COQ2: variants seen among roughly 807,000 people sequenced by gnomAD.
The protein encoded by COQ2 is 4-hydroxybenzoate polyprenyltransferase, mitochondrial.
A neutral mutation model predicts 35.7 loss-of-function variants in COQ2; 25 were observed. The observed-to-expected ratio is 0.70, with a 90% CI of 0.51 to 0.98. The LOEUF (loss-of-function observed/expected upper bound fraction) is 0.98. Ranked by LOEUF, COQ2 falls within the 50% of genes least tolerant of loss-of-function variation. The pLI, the probability that COQ2 is intolerant of heterozygous loss-of-function variation, is 0.00. For synonymous variants in COQ2, 206 were observed against 186.2 expected (o/e 1.11, Z -0.86); for missense variants, 488 against 473.5 (o/e 1.03, Z -0.28).
chr4:83,269,799 A>G (rs1735003000), intron 5 of COQ2, 61 bp downstream of exon 5: 2 of 1,331,914 alleles, frequency 1.5e-6, no homozygotes, highest in Non-Finnish European at 2.0e-6. Flanking sequence ...CTTTCTCCTT[A>G]ATTTGGTTCT....
chr4:83,270,104 T>C, intron 4 of COQ2, 111 bp from the exon 5 acceptor site: 1 of 1,154,194 alleles, frequency 8.7e-7, no homozygotes, highest in Non-Finnish European at 1.2e-6. Flanking sequence ...AGACTCTGTG[T>C]GTGCTGCTTT....
At chr4:83,283,230 G>A (rs780462586) in intron 1 of COQ2, 12 of 978,598 alleles carry the variant, frequency 1.2e-5, no homozygotes, top group Admixed American at 1.2e-4. Flanking sequence ...GGTCTTGTAC[G>A]GGCAAAAGTG....
chr4:83,281,731 C>T (rs1186298133), intron 1 of COQ2: 1 of 152,188 alleles, frequency 6.6e-6, no homozygotes, highest in East Asian at 1.9e-4. Context: ...CAAGCCTATT[C>T]GATAGGCACT....
At chr4:83,283,950 C>CT in intron 1 of COQ2, 2 of 985,474 alleles carry the variant, frequency 2.0e-6, no homozygotes, top group Non-Finnish European at 2.4e-6. Context: ...TGAATTAAAT[C>CT]TTTGCCTTAT....
chr4:83,266,367 T>C (rs1734919295), intron 6 of COQ2, among the ~76,000 whole-genome samples: 1 of 51,078 alleles, frequency 2.0e-5, no homozygotes, highest in South Asian at 4.3e-4. Context: ...TTTTTTTTGT[T>C]TTTTTTTTGA....
intron 3 of COQ2, 93 bp from the exon 4 acceptor site, chr4:83,272,265 G>A: frequency 1.0e-5 from 6 of 594,302 alleles, no homozygotes; most frequent in South Asian, 5.1e-5. Context: ...AATACTAATT[G>A]GAAAATATAT....
At chr4:83,283,418 G>A (rs1735375754) in intron 1 of COQ2, 2 of 985,254 alleles carry the variant, frequency 2.0e-6, no homozygotes, top group Admixed American at 1.2e-4. Flanking sequence ...TCCAGGTCAG[G>A]CTCGTATTCT....
upstream of COQ2, chr4:83,284,909 G>T: frequency 2.6e-6 from 4 of 1,511,500 alleles, no homozygotes; most frequent in South Asian, 2.5e-5. Context: ...GTGAAATTGG[G>T]GTCATCGTGG....
At chr4:83,282,804 G>C (rs751632819) in intron 1 of COQ2, 6 of 152,310 alleles carry the variant, frequency 3.9e-5, no homozygotes, top group Non-Finnish European at 8.8e-5. Context: ...GATGAGCAGG[G>C]TGGAGGTTCA....
At chr4:83,282,194 CAAA>C (rs1735341399) in intron 1 of COQ2, among the ~76,000 whole-genome samples, 1 of 152,054 alleles carries the variant, frequency 6.6e-6, no homozygotes. Flanking sequence ...CGTGGTAAAA[CAAA>C]AAATTACACT....
In COQ2 at chr4:83,270,085, C is replaced by T. The variant is rs1174595100; in HGVS notation, c.629-92G>A. The T allele has an allele frequency of 2.9e-6, 4 of 1,380,036 alleles. 1 individual carries two copies. The highest frequency in any genetic ancestry group is 2.6e-5 in the South Asian group (2 of 78,372). The allele number at this position is 1,380,036 out of a possible 1,614,324, so 85.5% of individuals were successfully genotyped here. On this transcript the variant is annotated intron_variant, in intron 4 of 6. Transcript: ENST00000647002. ...TGGCATCGGAGTGTGTTCAGTGCTC[C>T]TGGGTATCAGACTCTGTGTGTGCTG...
chr4:83,266,941 CT>C, intron 6 of COQ2: 1 of 285,190 alleles, frequency 3.5e-6, no homozygotes, highest in South Asian at 2.8e-5. Flanking sequence ...AAAGCTTTAT[CT>C]GTCAGTTTGC....
upstream of COQ2, chr4:83,284,837 A>T (rs1257530433): frequency 6.4e-7 from 1 of 1,557,036 alleles, no homozygotes; most frequent in Admixed American, 1.9e-5. Flanking sequence ...CACCCGCAGG[A>T]TGCAATCCTA....
intron 6 of COQ2, among the ~76,000 whole-genome samples, chr4:83,266,111 G>A (rs1734912450): frequency 6.6e-6 from 1 of 152,118 alleles, no homozygotes; most frequent in Non-Finnish European, 1.5e-5. Flanking sequence ...GCTGAGCTAT[G>A]ACCAAAAAGG....
intron 1 of COQ2, chr4:83,283,791 T>G: frequency 1.0e-6 from 1 of 985,430 alleles, no homozygotes; most frequent in Non-Finnish European, 1.2e-6. Context: ...TAGTTAGTGG[T>G]GAGTGCTATT....
chr4:83,283,849 A>G, intron 1 of COQ2: 1 of 985,462 alleles, frequency 1.0e-6, no homozygotes. Flanking sequence ...GGTAGGTGTT[A>G]ATTAAGATAG....
intron 2 of COQ2, among the ~76,000 whole-genome samples, chr4:83,278,408 A>T (rs1332406902): frequency 6.6e-6 from 1 of 152,212 alleles, no homozygotes; most frequent in Non-Finnish European, 1.5e-5. Flanking sequence ...GGAGGAGATA[A>T]GGACAACTTG....
intron 1 of COQ2, among the ~76,000 whole-genome samples, chr4:83,282,877 C>T (rs142035644): frequency 6.6e-6 from 1 of 152,116 alleles, no homozygotes; most frequent in South Asian, 2.1e-4. Flanking sequence ...TGTTACATGG[C>T]GGAAGGTCCA....
At chr4:83,278,615 G>A (rs1735238994) in intron 2 of COQ2, among the ~76,000 whole-genome samples, 1 of 152,246 alleles carries the variant, frequency 6.6e-6, no homozygotes. Flanking sequence ...AGGAAGGGAT[G>A]ACAGATCTTT....
Sources: gnomAD v4.1 joint callset for allele counts (sites outside exome capture counted in the v4.1 genomes callset) on GRCh38, gnomAD v4.1.1 for gene constraint, MANE v1.5 for transcripts, NCBI Gene and HGNC (gene_info 2026-07-23, HGNC 2026-07-21) for gene names.